Variants in RNASE11 observed in about 807,000 individuals in gnomAD.
RNASE11 encodes ribonuclease A family member 11 (inactive).
For synonymous variants in RNASE11, 105 were observed against 86.1 expected (o/e 1.22, Z -1.21); for missense variants, 252 against 237.8 (o/e 1.06, Z -0.39).
upstream of RNASE11, among the ~76,000 whole-genome samples, chr14:20,589,637 A>C (rs1170766603): frequency 6.6e-6 from 1 of 152,054 alleles, no homozygotes; most frequent in Non-Finnish European, 1.5e-5. Flanking sequence ...CTGTTATCCC[A>C]GCACTTTGAG....
chr14:20,583,806 G>A (rs1689174415), exon 2 of RNASE11: 3 of 1,471,726 alleles, frequency 2.0e-6, no homozygotes, highest in Non-Finnish European at 1.8e-6. Context: ...ATTAAGGAAA[G>A]GTTTAAACAA....
At chr14:20,589,462 C>T (rs1884514804), upstream of RNASE11, among the ~76,000 whole-genome samples, 1 of 151,408 alleles carries the variant, frequency 6.6e-6, no homozygotes, top group Admixed American at 6.6e-5. Flanking sequence ...ACCGTGTTAG[C>T]CAGGATGGTC....
At chr14:20,588,900 T>C (rs1299357681), upstream of RNASE11, among the ~76,000 whole-genome samples, 2 of 151,692 alleles carry the variant, frequency 1.3e-5, no homozygotes, top group Non-Finnish European at 2.9e-5. Context: ...GCTCCTCCTG[T>C]GTCAGCTTCC....
At chr14:20,588,414 A>T (rs1258516398), upstream of RNASE11, 3 of 152,214 alleles carry the variant, frequency 2.0e-5, no homozygotes, top group Admixed American at 2.0e-4. Context: ...GTCCGGCTCA[A>T]AGTCCTCTCT....
chr14:20,583,890 A>G, exon 2 of RNASE11: 1 of 1,609,694 alleles, frequency 6.2e-7, no homozygotes, highest in Non-Finnish European at 8.5e-7. Context: ...ACTTAGAGCC[A>G]CAAACTAACC....
chr14:20,584,281 C>T, exon 2 of RNASE11: 2 of 1,614,190 alleles, frequency 1.2e-6, no homozygotes, highest in Non-Finnish European at 1.7e-6. Flanking sequence ...CTTGGACATG[C>T]TGAGGCTGGT....
At chr14:20,587,435 T>C (rs1269682127) in intron 1 of RNASE11, 128 bp downstream of exon 2, 2 of 305,660 alleles carry the variant, frequency 6.5e-6, no homozygotes, top group Non-Finnish European at 9.6e-6. Flanking sequence ...GGGAGAGGGA[T>C]AGAAAAAGGA....
exon 2 of RNASE11, chr14:20,583,878 C>T (rs1884365596): frequency 1.2e-6 from 2 of 1,603,672 alleles, no homozygotes; most frequent in South Asian, 2.2e-5. Context: ...GTGGGATTTA[C>T]AACTTAGAGC....
upstream of RNASE11, chr14:20,590,111 A>G (rs542001866): frequency 9.3e-5 from 116 of 1,241,744 alleles, no homozygotes; most frequent in African/African-American, 1.7e-3. Context: ...TTATTGAAGC[A>G]GAATAAAACA....
exon 2 of RNASE11, chr14:20,584,191 T>C: frequency 6.2e-7 from 1 of 1,614,218 alleles, no homozygotes; most frequent in South Asian, 1.1e-5. Context: ...GCAACACTCT[T>C]TGTCATTACC....
chr14:20,587,005 A>C (rs1388877639), intron 1 of RNASE11, among the ~76,000 whole-genome samples: 4 of 152,120 alleles, frequency 2.6e-5, no homozygotes, highest in Middle Eastern at 6.8e-3. Context: ...CAACAACAAA[A>C]AGCCAGTTGT....
At chr14:20,585,054 G>A in intron 1 of RNASE11, 3 of 985,056 alleles carry the variant, frequency 3.0e-6, no homozygotes, top group Non-Finnish European at 3.6e-6. Context: ...TGATCCTGTA[G>A]AGGAAGATTC....
chr14:20,583,130 G>T (rs1391713840), downstream of RNASE11: 2 of 152,172 alleles, frequency 1.3e-5, no homozygotes, highest in East Asian at 3.8e-4. Flanking sequence ...GTCCTGCCTG[G>T]TACTTAGCAC....
At chr14:20,586,152 A>G (rs1254294336) in intron 1 of RNASE11, among the ~76,000 whole-genome samples, 1 of 152,202 alleles carries the variant, frequency 6.6e-6, no homozygotes, top group Non-Finnish European at 1.5e-5. Flanking sequence ...CTCTCATCTC[A>G]ATCTGCCTAT....
upstream of RNASE11, chr14:20,590,188 T>TG (rs1884537459): frequency 7.8e-6 from 12 of 1,534,658 alleles, no homozygotes; most frequent in Non-Finnish European, 1.0e-5. Flanking sequence ...CTCAAGGCAT[T>TG]GCCCCATGTC....
chr14:20,584,055 T>C (rs750196681), exon 2 of RNASE11: 6 of 1,614,098 alleles, frequency 3.7e-6, no homozygotes, highest in Middle Eastern at 3.3e-4. Context: ...CAGGATTCTG[T>C]ACAAACTTGC....
intron 1 of RNASE11, among the ~76,000 whole-genome samples, chr14:20,584,786 C>A (rs1884400503): frequency 6.6e-6 from 1 of 152,136 alleles, no homozygotes; most frequent in African/African-American, 2.4e-5. Flanking sequence ...GATCTACAAC[C>A]AAGTATTTGT....
At chr14:20,587,702 G>C in exon 1 of RNASE11, 1 of 985,344 alleles carries the variant, frequency 1.0e-6, no homozygotes, top group Non-Finnish European at 1.2e-6. Flanking sequence ...GGCCACCTAA[G>C]ATGGAAGAAG....
At position 20,584,163 on chromosome 14, in the gene RNASE11, C is replaced by T; in HGVS notation, c.312G>A (p.Trp104Ter). 1 of 1,614,188 alleles carries T rather than the reference C, an allele frequency of 6.2e-7. No individual in the cohort carries two copies. Among genetic ancestry groups the T allele is most frequent in the South Asian group, 1.1e-5 (1 of 91,080 alleles). The change falls in exon 2 of 2, where the codon TGG becomes TGA. Residue 104 changes from tryptophan to a stop codon, truncating the protein, a stop_gained. Coordinates refer to ENST00000553849, the Ensembl canonical transcript of RNASE11. LOFTEE classifies it low-confidence loss of function (END_TRUNC). Reference sequence around the variant, plus strand: ...ATCCGTTTGCTTCTGAAACTTTTCTCCAGACTGTCATGTCATTGCAACACT... The same window carrying T: ...ATCCGTTTGCTTCTGAAACTTTTCTTCAGACTGTCATGTCATTGCAACACT...
Sources: allele counts gnomAD v4.1 joint callset (sites outside exome capture counted in the v4.1 genomes callset), GRCh38; gene constraint gnomAD v4.1.1; transcripts MANE v1.5; gene names NCBI Gene and HGNC (gene_info 2026-07-23, HGNC 2026-07-21).